The following CACNA1I variants were observed in gnomAD, a reference collection of about 807,000 sequenced individuals.
The protein encoded by CACNA1I is voltage-dependent T-type calcium channel subunit alpha-1I.
CACNA1I carries 74 observed loss-of-function variants against 201.6 expected under a neutral mutation model. The observed-to-expected ratio is 0.37, with a 90% CI of 0.30 to 0.45. The LOEUF is 0.45. Among genes scored for constraint, CACNA1I ranks in the 20% least tolerant of loss-of-function variants. The pLI, the probability that CACNA1I is intolerant of heterozygous loss-of-function variation, is 1.00. For synonymous variants in CACNA1I, 1,431 were observed against 1,345.2 expected (o/e 1.06, Z -1.40); for missense variants, 2,346 against 3,138.1 (o/e 0.75, Z 6.03).
In CACNA1I at chr22:39,679,860, A is replaced by G. The variant is rs1287608334; in HGVS notation, c.5533A>G (p.Lys1845Glu). Residue 1845 changes from lysine to glutamate, a missense_variant, in exon 33 of 37, where the codon AAG becomes GAG. Physicochemically the swap from Lys to Glu is moderately conservative, Grantham distance 56 (BLOSUM62 1). This residue lies in a region of CACNA1I where 441 missense variants were observed against 555.6 expected (regional missense o/e 0.79). Transcript: ENST00000402142. ...CGGCTGCAAGAAGTGTCACCACGAC[A>G]AGCAAGAGGTAATGGCAGCCCGGGA... ...PAGCKKCHHD[K>E]QEVQLAETEA... 3 of 1,611,916 alleles carry G rather than the reference A, an allele frequency of 1.9e-6. No individual in the cohort carries two copies. Among genetic ancestry groups the G allele is most frequent in the African/African-American group, 2.7e-5 (2 of 74,910 alleles).
Position 39,648,333 on chromosome 22 carries a change from G to A in CACNA1I, c.1567+407G>A, listed in dbSNP as rs995576305. Among the ~76,000 whole-genome samples, 7 of 152,184 alleles carry A rather than the reference G, an allele frequency of 4.6e-5. No individual in the cohort carries two copies. The highest frequency in any genetic ancestry group is 8.8e-5 in the Non-Finnish European group (6 of 68,030). On this transcript the variant is annotated intron_variant, in intron 9 of 36. Coordinates refer to ENST00000402142, the MANE Select transcript of CACNA1I (RefSeq NM_021096.4). This position sits in a 1 kb window ranked among gnomAD's most constrained non-coding sequence, Gnocchi z 5.4. Reference sequence around the variant, plus strand: ...CTGGGGCCGGGCAAGGCTGGCACTGGTGTTGCTGGAGGACGTGGGGGAGAA... The same window carrying A: ...CTGGGGCCGGGCAAGGCTGGCACTGATGTTGCTGGAGGACGTGGGGGAGAA...
Position 39,674,048 on chromosome 22 carries a change from T to C in CACNA1I, c.4854+15T>C. 3 of 1,612,236 alleles carry C rather than the reference T, an allele frequency of 1.9e-6. No individual in the cohort carries two copies. Among genetic ancestry groups the C allele is most frequent in the African/African-American group, 1.3e-5 (1 of 75,012 alleles). ...CTTTGCCCCAGGTAAGAGCCACTCT[T>C]TCTGGCAGCCCTCCTAGGGGTCATT... is the stretch of plus-strand genomic sequence containing the variant. On this transcript the variant is annotated intron_variant, in intron 29 of 36. Transcript: ENST00000402142.
In CACNA1I at chr22:39,619,328, G is replaced by A. The variant is rs59970214; in HGVS notation, c.501G>A (p.Leu167=). The A allele has an allele frequency of 3.7e-6, 6 of 1,609,114 alleles. No homozygotes were observed. The Admixed American group carries it at 8.3e-5, about 22-fold the overall frequency. The stretch of plus-strand genomic sequence containing the variant: ...TCTGCAGGATGGTCGAGTACTCCCT[G>A]GACCTTCAGAACATCAACCTGTCAG... ...IVMAGMVEYS[L]DLQNINLSAI... Residue 167 remains leucine, a synonymous_variant, in exon 4 of 37, where the codon CTG becomes CTA. Transcript: ENST00000402142.
At position 39,665,527 on chromosome 22, in the gene CACNA1I, T is replaced by C; in HGVS notation, c.3881T>C (p.Leu1294Pro). ...RVISRAPGLK[L>P]VVETLISSLK... ...ATCAGCCGGGCGCCGGGCCTGAAGC[T>C]GGTGGTGGAGACACTCATCTCCTCC... is the stretch of plus-strand genomic sequence containing the variant. The change falls in exon 22 of 37, where the codon CTG becomes CCG. Residue 1294 changes from leucine (L) to proline (P), a missense_variant. By Grantham distance (98) the Leu-to-Pro change is moderately conservative (BLOSUM62 -3). Transcript: ENST00000402142. This position sits in a 1 kb window ranked among gnomAD's most constrained non-coding sequence, Gnocchi z 5.5. 6.2e-7 allele frequency: 1 copy of C among 1,613,788 alleles called. No individual in the cohort carries two copies. The highest frequency in any genetic ancestry group is 8.5e-7 in the Non-Finnish European group (1 of 1,179,780).
chr22:39,601,936 T>TCCTG (rs1933061902), intron 3 of CACNA1I, among the ~76,000 whole-genome samples: 1 of 45,446 alleles, frequency 2.2e-5, no homozygotes, highest in African/African-American at 1.4e-4. Context: ...CTTCCTGCCT[T>TCCTG]CCTTCCTTCC....
intron 4 of CACNA1I, 60 bp from the exon 5 acceptor site, chr22:39,634,505 C>CTT: frequency 5.8e-6 from 9 of 1,558,844 alleles, no homozygotes; most frequent in Non-Finnish European, 8.0e-6. Context: ...TGCTCTCACT[C>CTT]TTTCGTCTCT....
chr22:39,575,738 C>A (rs1392700446), intron 1 of CACNA1I, among the ~76,000 whole-genome samples: 3 of 151,902 alleles, frequency 2.0e-5, no homozygotes. Flanking sequence ...TATTATTTTC[C>A]ACCCTAGATT....
intron 15 of CACNA1I, 117 bp downstream of exon 15, chr22:39,660,554 T>C: frequency 1.6e-6 from 1 of 628,532 alleles, no homozygotes; most frequent in Non-Finnish European, 2.7e-6. Context: ...CTGCTACTTA[T>C]CTATGGTTTG....
intron 3 of CACNA1I, among the ~76,000 whole-genome samples, chr22:39,607,252 A>G (rs528644979): frequency 7.9e-5 from 12 of 152,344 alleles, no homozygotes; most frequent in Admixed American, 5.2e-4. Flanking sequence ...AGCTGAGGGC[A>G]GGGTGTGCAT....
chr22:39,573,440 C>T (rs1431854111), intron 1 of CACNA1I, among the ~76,000 whole-genome samples: 3 of 152,004 alleles, frequency 2.0e-5, no homozygotes, highest in African/African-American at 4.8e-5. Context: ...GTGCTGCCCA[C>T]GTGTCACGGA....
In CACNA1I at chr22:39,648,079, G is replaced by A. The variant is rs755962856; in HGVS notation, c.1567+153G>A. Reference sequence around the variant, plus strand: ...TCTCCCTCTATAAAGTGAGGACAGGGGCCCCCAGCACGTGGCCGTCCACGG... The same window carrying A: ...TCTCCCTCTATAAAGTGAGGACAGGAGCCCCCAGCACGTGGCCGTCCACGG... On this transcript the variant is annotated intron_variant, in intron 9 of 36. Coordinates refer to ENST00000402142, the MANE Select transcript of CACNA1I (RefSeq NM_021096.4). The surrounding 1 kb of genome is among the most constrained non-coding windows in gnomAD (Gnocchi z 5.4). 4.4e-6 allele frequency: 3 copies of A among 679,926 alleles called. No homozygotes were observed. Among genetic ancestry groups the A allele is most frequent in the Admixed American group, 5.6e-5 (2 of 35,788 alleles). The allele number at this position is 679,926 out of a possible 1,614,324, so 42.1% of individuals were successfully genotyped here. A position where few individuals can be genotyped will look rare whatever the true frequency, so the allele number is the denominator to read the frequency against.
intron 7 of CACNA1I, among the ~76,000 whole-genome samples, chr22:39,646,279 A>G (rs136825): frequency 0.6 from 91,178 of 151,254 alleles, 28,605 homozygotes; most frequent in East Asian, 0.99. Flanking sequence ...CCTCCCTTGC[A>G]TCTGTCTTTT....
chr22:39,614,694 T>C (rs1933480598), intron 3 of CACNA1I, among the ~76,000 whole-genome samples: 1 of 152,168 alleles, frequency 6.6e-6, no homozygotes, highest in African/African-American at 2.4e-5. Context: ...GGACCTCTGC[T>C]AGGAGCCAGG....
chr22:39,670,869 C>T lies in CACNA1I; in HGVS notation c.4454C>T (p.Thr1485Ile). 1 of 1,613,852 alleles carries T rather than the reference C, an allele frequency of 6.2e-7. No individual in the cohort carries two copies. Among genetic ancestry groups the T allele is most frequent in the Non-Finnish European group, 8.5e-7 (1 of 1,179,768 alleles). Reference protein sequence around the residue: ...HTRLLIHSMCTSHYLDIFITF... With the variant: ...HTRLLIHSMCISHYLDIFITF... ...CGGCTGCTCATCCACTCCATGTGCA[C>T]CAGCCACTACCTGGACATCTTCATC... The change falls in exon 26 of 37, where the codon ACC becomes ATC. Residue 1485 changes from threonine to isoleucine, a missense_variant. By Grantham distance (89) the Thr-to-Ile change is moderately conservative. Transcript: ENST00000402142.
intron 20 of CACNA1I, among the ~76,000 whole-genome samples, chr22:39,664,383 G>A (rs574516286): frequency 6.6e-6 from 1 of 152,228 alleles, no homozygotes; most frequent in Admixed American, 6.5e-5. Context: ...AGACAGATGG[G>A]TGCAGGGAAC....
At chr22:39,594,830 C>A (rs1932861520) in intron 1 of CACNA1I, among the ~76,000 whole-genome samples, 1 of 152,106 alleles carries the variant, frequency 6.6e-6, no homozygotes, top group Non-Finnish European at 1.5e-5. Context: ...AGTAGCACCC[C>A]CCCTTACCCA....
Position 39,658,456 on chromosome 22 carries a change from C to T in CACNA1I, c.2144+153C>T, listed in dbSNP as rs1934895836. Among the ~76,000 whole-genome samples the T allele has an allele frequency of 2.6e-5, 4 of 152,200 alleles. No homozygotes were observed. In the South Asian group the frequency reaches 8.3e-4, roughly 32 times the overall value. On this transcript the variant is annotated intron_variant, in intron 11 of 36. Coordinates refer to ENST00000402142, the MANE Select transcript of CACNA1I (RefSeq NM_021096.4). ...TAGTCAAACATTTGTGATTTAGCAA[C>T]ATATTTCTGTCAAGTTAAACAGCAT...
intron 10 of CACNA1I, 124 bp downstream of exon 10, chr22:39,650,049 G>T (rs1307450896): frequency 3.8e-5 from 39 of 1,037,614 alleles, no homozygotes; most frequent in Non-Finnish European, 5.5e-5. Flanking sequence ...GAAGTGCCGG[G>T]CTGAGCTGGG....
chr22:39,586,113 A>G (rs888217840), intron 1 of CACNA1I, among the ~76,000 whole-genome samples: 5 of 151,298 alleles, frequency 3.3e-5, no homozygotes, highest in Admixed American at 3.3e-4. Context: ...GGGAGTCAGA[A>G]GTTGCAGTGA....
Sources: gnomAD v4.1 joint callset for allele counts (sites outside exome capture counted in the v4.1 genomes callset) on GRCh38, gnomAD v4.1.1 for gene constraint, gnomAD v4.1.1 regional missense constraint, Gnocchi (gnomAD v3.1) non-coding constraint, MANE v1.5 for transcripts, NCBI Gene and HGNC (gene_info 2026-07-23, HGNC 2026-07-21) for gene names.